Variants in DYNLL1 observed in about 807,000 individuals in gnomAD.
The protein encoded by DYNLL1 is dynein light chain LC8-type 1.
Under a neutral mutation model 10.1 loss-of-function variants are expected in DYNLL1, and 3 were observed. The observed-to-expected ratio is 0.30, with a 90% CI of 0.14 to 0.77. The LOEUF is 0.77. Among genes scored for constraint, DYNLL1 ranks in the 30% least tolerant of loss-of-function variants. DYNLL1 has a pLI of 0.66. For missense variants in DYNLL1, 47 were observed against 111.7 expected (o/e 0.42, Z 2.61); for synonymous variants, 46 against 41.2 (o/e 1.12, Z -0.45).
chr12:120,494,077 G>A (rs1335008696), upstream of DYNLL1, among the ~76,000 whole-genome samples: 1 of 151,960 alleles, frequency 6.6e-6, no homozygotes, highest in Non-Finnish European at 1.5e-5. Context: ...CTACTTAGTG[G>A]AGTCACCGTG....
At chr12:120,478,150 C>T (rs1365405901) in intron 1 of DYNLL1, among the ~76,000 whole-genome samples, 1 of 151,288 alleles carries the variant, frequency 6.6e-6, no homozygotes, top group African/African-American at 2.4e-5. Flanking sequence ...CTCTTGTTGC[C>T]CAGGCTAGAG....
At chr12:120,490,764 T>C (rs1330350687) in intron 1 of DYNLL1, 2 of 152,126 alleles carry the variant, frequency 1.3e-5, no homozygotes, top group African/African-American at 4.8e-5. Context: ...TTAAACATCC[T>C]CAAATGCATA....
upstream of DYNLL1, chr12:120,491,520 G>A (rs990931912): frequency 2.6e-5 from 4 of 152,370 alleles, no homozygotes; most frequent in African/African-American, 9.7e-5. Flanking sequence ...AGCTGCTAGG[G>A]TGGTCACAGG....
intron 1 of DYNLL1, among the ~76,000 whole-genome samples, chr12:120,486,428 C>T (rs1878995795): frequency 6.6e-6 from 1 of 151,966 alleles, no homozygotes; most frequent in South Asian, 2.1e-4. Flanking sequence ...TTTGCATTCC[C>T]CTCTCTGTCC....
Position 120,496,556 on chromosome 12 carries a change from G to A in DYNLL1, c.132+3G>A, listed in dbSNP as rs1442995537. 6.2e-7 allele frequency: 1 copy of A among 1,613,820 alleles called. No homozygotes were observed. The highest frequency in any genetic ancestry group is 8.5e-7 in the Non-Finnish European group (1 of 1,179,934). On this transcript the variant is annotated splice_donor_region_variant and intron_variant, in intron 2 of 2. Coordinates refer to ENST00000242577, the MANE Select transcript of DYNLL1 (RefSeq NM_003746.3). ...ACATTGCGGCTCATATCAAGAAGGT[G>A]AGGATGGGCGCGGGGGCCGATACGC...
chr12:120,474,365 G>A (rs1483681551), intron 1 of DYNLL1, among the ~76,000 whole-genome samples: 1 of 150,488 alleles, frequency 6.6e-6, no homozygotes, highest in Non-Finnish European at 1.5e-5. Context: ...AGACTATTAA[G>A]AATTAATGCA....
In DYNLL1 at chr12:120,496,121, C is replaced by G; in HGVS notation, c.-102C>G. On this transcript the variant is annotated 5_prime_UTR_variant, in exon 1 of 3. Coordinates refer to ENST00000242577, the MANE Select transcript of DYNLL1 (RefSeq NM_003746.3). ...CTGGCGTGGGGCTGCTTAGATGCGC[C>G]ACGGTTTCGGTAGCGACGGTATCTC... The G allele has an allele frequency of 2.0e-6, 1 of 496,750 alleles. No individual in the cohort carries two copies. The highest frequency in any genetic ancestry group is 3.6e-6 in the Non-Finnish European group (1 of 276,002). 30.8% of individuals were successfully genotyped at this position (496,750 alleles called of 1,614,324 possible). A position where few individuals can be genotyped will look rare whatever the true frequency, so the allele number is the denominator to read the frequency against.
At chr12:120,496,955 G>C in intron 2 of DYNLL1, 1 of 348,748 alleles carries the variant, frequency 2.9e-6, no homozygotes, top group Non-Finnish European at 5.2e-6. Flanking sequence ...GAGGGAAGGT[G>C]GTGGGTGGTG....
At chr12:120,488,773 T>A (rs1170794026) in intron 1 of DYNLL1, 2 of 152,020 alleles carry the variant, frequency 1.3e-5, no homozygotes, top group East Asian at 3.9e-4. Context: ...ATTAGCCCGA[T>A]GTGGTGGTGC....
intron 1 of DYNLL1, among the ~76,000 whole-genome samples, chr12:120,477,913 CAGT>C (rs1243216911): frequency 1.3e-5 from 2 of 151,774 alleles, no homozygotes; most frequent in African/African-American, 4.8e-5. Context: ...TCTCCTGCCT[CAGT>C]AGCTGAGATT....
chr12:120,486,540 C>T (rs11615719), intron 1 of DYNLL1, among the ~76,000 whole-genome samples: 13,043 of 152,066 alleles, frequency 0.086, 701 homozygotes, highest in Non-Finnish European at 0.11. Context: ...GCAATCATAG[C>T]TCACTGCAGC....
chr12:120,475,636 T>C (rs181078388), intron 1 of DYNLL1, among the ~76,000 whole-genome samples: 1 of 152,368 alleles, frequency 6.6e-6, no homozygotes, highest in African/African-American at 2.4e-5. Flanking sequence ...AAAATGTGGC[T>C]ACTGCAACTG....
At chr12:120,477,884 C>CCTCCTGGGTTCAAGTGATT (rs944726328) in intron 1 of DYNLL1, among the ~76,000 whole-genome samples, 2 of 152,044 alleles carry the variant, frequency 1.3e-5, no homozygotes, top group African/African-American at 4.8e-5. Flanking sequence ...GCAGCCTCCG[C>CCTCCTGGGTTCAAGTGATT]CTCCTGGGTT....
intron 1 of DYNLL1, among the ~76,000 whole-genome samples, chr12:120,479,480 TAATA>T (rs1878838412): frequency 7.9e-6 from 1 of 127,276 alleles, no homozygotes; most frequent in African/African-American, 2.9e-5. Context: ...ATAATAATAA[TAATA>T]ATAATAATAA....
intron 1 of DYNLL1, among the ~76,000 whole-genome samples, chr12:120,476,555 G>A (rs1359245836): frequency 6.6e-6 from 1 of 152,160 alleles, no homozygotes; most frequent in African/African-American, 2.4e-5. Context: ...CTGCCAGTCT[G>A]TCTTGTTGTG....
intron 1 of DYNLL1, among the ~76,000 whole-genome samples, chr12:120,482,813 C>T (rs1467470927): frequency 6.6e-6 from 1 of 152,124 alleles, no homozygotes; most frequent in South Asian, 2.1e-4. Context: ...ACAGAATAGA[C>T]AGCCCAGGCC....
intron 1 of DYNLL1, among the ~76,000 whole-genome samples, chr12:120,475,391 C>T (rs918016288): frequency 3.9e-5 from 6 of 152,154 alleles, no homozygotes; most frequent in Non-Finnish European, 7.4e-5. Context: ...GATTAATGGG[C>T]TTCTGGGATC....
chr12:120,477,798 A>G (rs937649099), intron 1 of DYNLL1, among the ~76,000 whole-genome samples: 1 of 151,408 alleles, frequency 6.6e-6, no homozygotes, highest in Non-Finnish European at 1.5e-5. Context: ...AAAAATATAT[A>G]TATATTTTTT....
intron 2 of DYNLL1, chr12:120,496,885 C>A: frequency 2.7e-6 from 1 of 367,450 alleles, no homozygotes; most frequent in East Asian, 5.5e-5. Flanking sequence ...GAGGGGGGAG[C>A]TGCGTGGGTG....
Sources: gnomAD v4.1 joint callset for allele counts (sites outside exome capture counted in the v4.1 genomes callset) on GRCh38, gnomAD v4.1.1 for gene constraint, MANE v1.5 for transcripts, NCBI Gene and HGNC (gene_info 2026-07-23, HGNC 2026-07-21) for gene names.